The following PCDHGB3 variants were observed in gnomAD, a reference collection of about 807,000 sequenced individuals.
PCDHGB3 encodes protocadherin gamma-B3.
Under a neutral mutation model 59.2 loss-of-function variants are expected in PCDHGB3, and 40 were observed. The ratio of observed to expected loss-of-function variants is 0.68; its 90% CI spans 0.52 to 0.88. The LOEUF is 0.88. Among genes scored for constraint, PCDHGB3 ranks in the 40% least tolerant of loss-of-function variants. PCDHGB3 has a pLI of 0.00. For missense variants in PCDHGB3, 1,309 were observed against 1,187.9 expected, an observed-to-expected ratio of 1.10 and a Z score of -1.50; for synonymous variants, 581 against 503.6, an observed-to-expected ratio of 1.15 and a Z score of -2.06.
At chr5:141,389,893 T>TGCCGGATATCACTGACC in intron 1 of PCDHGB3, 1 of 1,614,094 alleles carries the variant, frequency 6.2e-7, no homozygotes, top group Non-Finnish European at 8.5e-7. Context: ...CAGGAGGTGC[T>TGCCGGATATCACTGACC]GCCGGATATC....
intron 1 of PCDHGB3, among the ~76,000 whole-genome samples, chr5:141,459,937 G>A (rs904431112): frequency 6.6e-6 from 1 of 152,132 alleles, no homozygotes; most frequent in Non-Finnish European, 1.5e-5. Flanking sequence ...TTGTAGCTGG[G>A]CGTGATGGCA....
In PCDHGB3 at chr5:141,393,531, C is replaced by T. The variant is rs997965420; in HGVS notation, c.2415+20722C>T. On this transcript the variant is annotated intron_variant, in intron 1 of 3. Transcript: ENST00000576222. ...AGTGTTGGATACAAATGACAATGCC[C>T]CGGTTTTTCCTCACCCGATTTACCG... 4 of 1,613,890 alleles carry T rather than the reference C, an allele frequency of 2.5e-6. No individual in the cohort carries two copies. Among genetic ancestry groups the T allele is most frequent in the African/African-American group, 2.7e-5 (2 of 74,946 alleles).
intron 1 of PCDHGB3, chr5:141,394,839 G>A (rs1190397731): frequency 6.2e-7 from 1 of 1,613,834 alleles, no homozygotes; most frequent in Non-Finnish European, 8.5e-7. Context: ...GACCGAGTTG[G>A]GCAGTCTGAA....
At chr5:141,400,227 C>T in intron 1 of PCDHGB3, 1 of 1,614,052 alleles carries the variant, frequency 6.2e-7, no homozygotes, top group Middle Eastern at 1.6e-4. Flanking sequence ...TGCTCTTCCT[C>T]CTGGCCGTGA....
In PCDHGB3 at chr5:141,476,178, T is replaced by G; in HGVS notation, c.2416-18629T>G. Reference sequence around the variant, plus strand: ...ACCGGGAGGGTAGTGGGAGTTTTGCTTCTGCTTGGTGCCTTGAACAAGGCT... The same window carrying G: ...ACCGGGAGGGTAGTGGGAGTTTTGCGTCTGCTTGGTGCCTTGAACAAGGCT... On this transcript the variant is annotated intron_variant, in intron 1 of 3. Transcript: ENST00000576222. This position sits in a 1 kb window ranked among gnomAD's most constrained non-coding sequence, Gnocchi z 7.6. The G allele has an allele frequency of 3.1e-6, 5 of 1,613,632 alleles. No homozygotes were observed. Among genetic ancestry groups the G allele is most frequent in the Non-Finnish European group, 4.2e-6 (5 of 1,180,000 alleles).
intron 1 of PCDHGB3, chr5:141,394,024 T>C (rs778553318): frequency 6.2e-7 from 1 of 1,613,530 alleles, no homozygotes; most frequent in Non-Finnish European, 8.5e-7. Flanking sequence ...TATTATAGAT[T>C]AGTGACAAGG....
At chr5:141,418,717 C>G in intron 1 of PCDHGB3, 2 of 1,613,938 alleles carry the variant, frequency 1.2e-6, no homozygotes, top group Non-Finnish European at 1.7e-6. Context: ...GTGTGGCTGA[C>G]AAAGCTCAGC....
rs2099388737 is a variant in PCDHGB3 at position 141,476,307 on chromosome 5, G to T, written c.2416-18500G>T. 1 of 1,613,606 alleles carries T rather than the reference G, an allele frequency of 6.2e-7. No individual in the cohort carries two copies. The highest frequency in any genetic ancestry group is 1.3e-5 in the African/African-American group (1 of 74,728). ...TTGGATCTCGGTAGCCTCTCAGCCC[G>T]CAGGTTCCGGGTGGTGTCTGGAGCT... On this transcript the variant is annotated intron_variant, in intron 1 of 3. Coordinates refer to ENST00000576222, the MANE Select transcript of PCDHGB3 (RefSeq NM_018924.5). The surrounding 1 kb of genome is among the most constrained non-coding windows in gnomAD (Gnocchi z 7.6).
chr5:141,408,155 C>T (rs1355335396), intron 1 of PCDHGB3: 2 of 1,511,456 alleles, frequency 1.3e-6, no homozygotes, highest in Non-Finnish European at 1.8e-6. Flanking sequence ...GTAGAGTGCA[C>T]TTTCTCCAAC....
intron 1 of PCDHGB3, among the ~76,000 whole-genome samples, chr5:141,460,983 G>GTA (rs59296681): frequency 9.4e-4 from 130 of 137,840 alleles, no homozygotes; most frequent in Middle Eastern, 3.8e-3. Context: ...GTGTGTGTGT[G>GTA]TATATATATA....
chr5:141,376,623 G>A (rs559036357), intron 1 of PCDHGB3: 243 of 1,327,112 alleles, frequency 1.8e-4, no homozygotes, highest in Middle Eastern at 7.8e-4. Context: ...TTTGGTACAG[G>A]AAGATTCGTG....
intron 1 of PCDHGB3, among the ~76,000 whole-genome samples, chr5:141,405,955 C>T (rs116457023): frequency 0.015 from 2,244 of 152,168 alleles, 22 homozygotes; most frequent in Admixed American, 0.035. Flanking sequence ...TAATAATTAA[C>T]CTGCTGTCAA....
intron 2 of PCDHGB3, among the ~76,000 whole-genome samples, chr5:141,498,945 G>C (rs1421135706): frequency 8.0e-6 from 1 of 125,434 alleles, no homozygotes; most frequent in Non-Finnish European, 1.6e-5. Context: ...AAGAAAGAAA[G>C]AAAAAGAGAG....
At position 141,371,103 on chromosome 5, in the gene PCDHGB3, G is replaced by T. The variant is rs1232346882; in HGVS notation, c.709G>T (p.Asp237Tyr). The stretch of plus-strand genomic sequence containing the variant: ...CAGGGTAATTGTCGCAGATGCAAAT[G>T]ATAACCCCCCAGTATTTACTCAGGA... ...QIRVIVADAN[D>Y]NPPVFTQDMY... is the part of the protein sequence containing the mutation. The change falls in exon 1 of 4, where the codon GAT becomes TAT. Residue 237 changes from aspartate (D) to tyrosine (Y), a missense_variant. Asp to Tyr is a radical substitution (Grantham distance 160). Transcript: ENST00000576222. 4 of 1,613,708 alleles carry T rather than the reference G, an allele frequency of 2.5e-6. No individual in the cohort carries two copies. The African/African-American group carries it at 5.3e-5, about 22-fold the overall frequency.
chr5:141,372,619 C>G lies in PCDHGB3; in HGVS notation c.2225C>G (p.Thr742Ser), dbSNP rs771812483. The G allele has an allele frequency of 6.2e-7, 1 of 1,613,968 alleles. No homozygotes were observed. The highest frequency in any genetic ancestry group is 8.5e-7 in the Non-Finnish European group (1 of 1,179,814). Residue 742 changes from threonine to serine, a missense_variant, in exon 1 of 4, where the codon ACC becomes AGC. Thr to Ser is a moderately conservative substitution (Grantham distance 58, BLOSUM62 1). Transcript: ENST00000576222. ...CFKTVPGVLP[T>S]YSERTLPYSY... Reference sequence around the variant, plus strand: ...AAGACTGTACCTGGAGTTCTCCCCACCTACAGCGAAAGGACTTTGCCTTAT... The same window carrying G: ...AAGACTGTACCTGGAGTTCTCCCCAGCTACAGCGAAAGGACTTTGCCTTAT...
chr5:141,491,291 C>A lies in PCDHGB3; in HGVS notation c.2416-3516C>A. The A allele has an allele frequency of 8.1e-6, 13 of 1,614,152 alleles. No individual in the cohort carries two copies. Among genetic ancestry groups the A allele is most frequent in the Non-Finnish European group, 1.1e-5 (13 of 1,179,974 alleles). On this transcript the variant is annotated intron_variant, in intron 1 of 3. Transcript: ENST00000576222. This position sits in a 1 kb window ranked among gnomAD's most constrained non-coding sequence, Gnocchi z 6.9. The stretch of plus-strand genomic sequence containing the variant: ...AAATCCAGTGACTTCCTCATACACC[C>A]TCCTGAGCGTTCAGACCTTACCCTT...
intron 1 of PCDHGB3, chr5:141,409,914 G>C: frequency 6.2e-7 from 1 of 1,613,348 alleles, no homozygotes; most frequent in East Asian, 2.2e-5. Context: ...GGTCCTGACG[G>C]CTCCGCGTTC....
At chr5:141,397,277 C>A (rs920366365) in intron 1 of PCDHGB3, among the ~76,000 whole-genome samples, 1 of 151,970 alleles carries the variant, frequency 6.6e-6, no homozygotes. Flanking sequence ...ATCATATGGG[C>A]AGTATACTTG....
At chr5:141,374,388 G>T (rs779801370) in intron 1 of PCDHGB3, 3 of 1,614,044 alleles carry the variant, frequency 1.9e-6, no homozygotes, top group Non-Finnish European at 2.5e-6. Context: ...AGCCCGCGGT[G>T]TCTGGTGAGT....
Sources: gnomAD v4.1 joint callset for allele counts (sites outside exome capture counted in the v4.1 genomes callset) on GRCh38, gnomAD v4.1.1 for gene constraint, Gnocchi (gnomAD v3.1) non-coding constraint, MANE v1.5 for transcripts, NCBI Gene and HGNC (gene_info 2026-07-23, HGNC 2026-07-21) for gene names.